Variants in CUBN observed in about 807,000 individuals in gnomAD.
The protein encoded by CUBN is 460 kDa receptor.
CUBN carries 282 observed loss-of-function variants against 405.3 expected under a neutral mutation model. The observed-to-expected ratio is 0.70, with a 90% CI of 0.63 to 0.77. The LOEUF is 0.77. Among genes scored for constraint, CUBN ranks in the 30% least tolerant of loss-of-function variants. The pLI is 0.00. For missense variants in CUBN, 4,514 were observed against 4,475.2 expected (o/e 1.01, Z -0.25); for synonymous variants, 1,684 against 1,617.0 (o/e 1.04, Z -0.99).
In CUBN at chr10:16,967,001, A is replaced by G. The variant is rs72773253; in HGVS notation, c.4696-12453T>C. Among the ~76,000 whole-genome samples, 981 of 152,338 alleles carry G rather than the reference A, an allele frequency of 6.4e-3. 6 individuals carry two copies. The highest frequency in any genetic ancestry group is 0.034 in the Middle Eastern group (10 of 294). On this transcript the variant is annotated intron_variant, in intron 31 of 66. Coordinates refer to ENST00000377833, the MANE Select transcript of CUBN (RefSeq NM_001081.4). Reference sequence around the variant, plus strand: ...CGAACTTCTCCAAAATAGAGGAAACATTAAGTGATAGGGAGGGAAATCCCT... The same window carrying G: ...CGAACTTCTCCAAAATAGAGGAAACGTTAAGTGATAGGGAGGGAAATCCCT...
In CUBN at chr10:17,065,610, G is replaced by A; in HGVS notation, c.3037C>T (p.Leu1013Phe). The A allele has an allele frequency of 1.2e-6, 2 of 1,613,616 alleles. No homozygotes were observed. The highest frequency in any genetic ancestry group is 8.5e-7 in the Non-Finnish European group (1 of 1,179,612). The change falls in exon 22 of 67, where the codon CTC (leucine) becomes TTC (phenylalanine). Residue 1013 changes from leucine (L) to phenylalanine (F), a missense_variant. Leu to Phe is a conservative substitution (Grantham distance 22). Coordinates refer to ENST00000377833, the MANE Select transcript of CUBN (RefSeq NM_001081.4). ...RYCGKSIPPS[L>F]TSSGNSLMLV... ...ATCAATGAGTTACCACTGCTTGTGA[G>A]AGATGGCGGGATCGACTTTCCACAG...
At chr10:16,993,041 G>A (rs991863653) in intron 28 of CUBN, among the ~76,000 whole-genome samples, 1 of 152,146 alleles carries the variant, frequency 6.6e-6, no homozygotes, top group Non-Finnish European at 1.5e-5. Flanking sequence ...TTCCGGAGTG[G>A]TACAACACAG....
intron 22 of CUBN, among the ~76,000 whole-genome samples, chr10:17,053,334 G>T (rs1835316130): frequency 6.6e-6 from 1 of 151,810 alleles, no homozygotes; most frequent in South Asian, 2.1e-4. Flanking sequence ...ATATAATGAT[G>T]CCATTATATA....
intron 4 of CUBN, among the ~76,000 whole-genome samples, chr10:17,123,924 G>T (rs1367021668): frequency 6.6e-6 from 1 of 152,132 alleles, no homozygotes; most frequent in Non-Finnish European, 1.5e-5. Flanking sequence ...TTGACCACGG[G>T]TGGGATGAAG....
At chr10:17,021,993 C>T (rs1292800017) in intron 27 of CUBN, among the ~76,000 whole-genome samples, 1 of 152,128 alleles carries the variant, frequency 6.6e-6, no homozygotes, top group African/African-American at 2.4e-5. Context: ...GCAGTGATTT[C>T]CCCCGCCAGC....
intron 17 of CUBN, among the ~76,000 whole-genome samples, chr10:17,075,073 CTTTTTTTTTTTTTTTTTT>C (rs957929670): frequency 6.1e-5 from 4 of 65,328 alleles, no homozygotes; most frequent in Admixed American, 1.7e-4. Flanking sequence ...TCTTTGTTTT[CTTTTTTTTTTTTTTTTTT>C]TTTTTTTTTT....
intron 6 of CUBN, among the ~76,000 whole-genome samples, chr10:17,117,537 G>A (rs1836933298): frequency 6.6e-6 from 1 of 152,064 alleles, no homozygotes; most frequent in South Asian, 2.1e-4. Flanking sequence ...ACCACACCCG[G>A]CTAATTTTTT....
chr10:16,928,195 C>T lies in CUBN; in HGVS notation c.6233G>A (p.Ser2078Asn), dbSNP rs1842247502. ...YMFIRFTSDS[S>N]VTRAGFNASF... The stretch of plus-strand genomic sequence containing the variant: ...TGCATTGAAGCCTGCCCTGGTTACA[C>T]TGGAGTCCGAGGTGAAGCGGATGAA... The change falls in exon 41 of 67, where the codon AGT becomes AAT. Residue 2078 changes from serine (S) to asparagine (N), a missense_variant. Ser to Asn is a conservative substitution (Grantham distance 46). This residue lies in a region of CUBN where 1,613 missense variants were observed against 1,542.8 expected (regional missense o/e 1.05). Coordinates refer to ENST00000377833, the MANE Select transcript of CUBN (RefSeq NM_001081.4). 4 of 1,613,990 alleles carry T rather than the reference C, an allele frequency of 2.5e-6. No individual in the cohort carries two copies. The highest frequency in any genetic ancestry group is 3.3e-5 in the Admixed American group (2 of 60,012).
chr10:16,964,722 C>T (rs7071554), intron 31 of CUBN, among the ~76,000 whole-genome samples: 90,800 of 152,082 alleles, frequency 0.6, 27,437 homozygotes, highest in Non-Finnish European at 0.65. Context: ...AGCACTGCAG[C>T]ACCCAAGCCA....
At chr10:17,084,122 T>C in intron 17 of CUBN, 149 bp downstream of exon 17, 1 of 741,810 alleles carries the variant, frequency 1.3e-6, no homozygotes. Flanking sequence ...TGCACCTTAG[T>C]CATTAGAGCT....
intron 6 of CUBN, 61 bp downstream of exon 6, chr10:17,122,734 T>C: frequency 3.1e-6 from 3 of 953,790 alleles, no homozygotes; most frequent in South Asian, 2.7e-5. Context: ...CTCTTAACTA[T>C]GGGATGTTTT....
chr10:17,088,383 G>A, intron 14 of CUBN, 38 bp from the exon 15 acceptor site: 4 of 1,533,154 alleles, frequency 2.6e-6, no homozygotes, highest in Admixed American at 1.7e-5. Flanking sequence ...CATTTGTATA[G>A]ATGCTATAAT....
At chr10:16,935,963 A>C (rs1046454026) in intron 39 of CUBN, among the ~76,000 whole-genome samples, 4 of 151,876 alleles carry the variant, frequency 2.6e-5, no homozygotes, top group African/African-American at 9.7e-5. Flanking sequence ...CAAAATATTA[A>C]GGTTTTTTAA....
intron 60 of CUBN, among the ~76,000 whole-genome samples, chr10:16,845,587 C>A (rs374064153): frequency 6.6e-6 from 1 of 152,238 alleles, no homozygotes; most frequent in Non-Finnish European, 1.5e-5. Context: ...ATCAGCTCTA[C>A]AAGAGCAGGA....
rs1835594986 is a variant in CUBN at position 17,065,511 on chromosome 10, T to A, written c.3136A>T (p.Thr1046Ser). The change falls in exon 22 of 67, where the codon ACA (threonine) becomes TCA (serine). Residue 1046 changes from threonine to serine, a missense_variant. Thr to Ser is a moderately conservative substitution (Grantham distance 58). Coordinates refer to ENST00000377833, the MANE Select transcript of CUBN (RefSeq NM_001081.4). ...LINYEAISAA[T>S]ACLQDYTDDL... ...GTATGCAATGCTGTTTTGTTACCTG[T>A]TGCTGCACTGATTGCTTCATAGTTT... 1.1e-5 allele frequency: 18 copies of A among 1,613,248 alleles called. No homozygotes were observed. Among genetic ancestry groups the A allele is most frequent in the Non-Finnish European group, 1.5e-5 (18 of 1,179,304 alleles).
At position 17,105,566 on chromosome 10, in the gene CUBN, G is replaced by A. The variant is rs763177467; in HGVS notation, c.1121C>T (p.Pro374Leu). The change falls in exon 11 of 67, where the codon CCT (proline) becomes CTT (leucine). Residue 374 changes from proline (P) to leucine (L), a missense_variant. Coordinates refer to ENST00000377833, the MANE Select transcript of CUBN (RefSeq NM_001081.4). Reference protein sequence around the residue: ...ASCSSTLGSLPLCTCLPGYTG... With the variant: ...ASCSSTLGSLLLCTCLPGYTG... The stretch of plus-strand genomic sequence containing the variant: ...ATAACCCGGGAGACACGTGCAGAGA[G>A]GTAAGGAACCTGTTCAGAAATAAAA... 10 of 1,583,136 alleles carry A rather than the reference G, an allele frequency of 6.3e-6. No individual in the cohort carries two copies. The African/African-American group carries it at 6.7e-5, about 11-fold the overall frequency.
rs750278463 is a variant in CUBN, at chr10:17,084,422, C to T, written c.2150G>A (p.Gly717Asp). 8 of 1,613,770 alleles carry T rather than the reference C, an allele frequency of 5.0e-6. No individual in the cohort carries two copies. The highest frequency in any genetic ancestry group is 6.8e-6 in the Non-Finnish European group (8 of 1,179,982). Reference sequence around the variant, plus strand: ...AGACAACTCAGGCAAGAAGAGTTCACCCTCTGGGTCCGTGTAGTTCCCACC... The same window carrying T: ...AGACAACTCAGGCAAGAAGAGTTCATCCTCTGGGTCCGTGTAGTTCCCACC... ...RCGGNYTDPE[G>D]ELFLPELSGP... is the part of the protein sequence containing the mutation. The change falls in exon 17 of 67, where the codon GGT (glycine) becomes GAT (aspartate). Residue 717 changes from glycine (G) to aspartate (D), a missense_variant. This residue lies in a region of CUBN where 1,448 missense variants were observed against 1,388.0 expected (regional missense o/e 1.04). Coordinates refer to ENST00000377833, the MANE Select transcript of CUBN (RefSeq NM_001081.4).
chr10:17,022,553 G>A (rs1056677490), intron 27 of CUBN, among the ~76,000 whole-genome samples: 1 of 152,112 alleles, frequency 6.6e-6, no homozygotes, highest in African/African-American at 2.4e-5. Flanking sequence ...GAAACGAAAC[G>A]GAACAGAAGC....
chr10:16,885,204 G>A (rs1444081828), intron 56 of CUBN, among the ~76,000 whole-genome samples: 2 of 152,162 alleles, frequency 1.3e-5, no homozygotes, highest in Non-Finnish European at 2.9e-5. Flanking sequence ...TTTGATTAAA[G>A]TCACCCTTTT....
Sources: allele counts gnomAD v4.1 joint callset (sites outside exome capture counted in the v4.1 genomes callset), GRCh38; gene constraint gnomAD v4.1.1; regional missense constraint gnomAD v4.1.1; transcripts MANE v1.5; gene names NCBI Gene and HGNC (gene_info 2026-07-23, HGNC 2026-07-21).